Variants in GRIP1 observed in about 807,000 individuals in gnomAD.
GRIP1 encodes the protein glutamate receptor interacting protein 1.
In GRIP1, 45 loss-of-function variants were observed where a neutral mutation model predicts 129.9. The ratio of observed to expected loss-of-function variants is 0.35; its 90% CI spans 0.27 to 0.44. GRIP1 has a LOEUF of 0.44. Among genes scored for constraint, GRIP1 ranks in the 20% least tolerant of loss-of-function variants. The pLI is 1.00. For missense variants in GRIP1, 1,196 were observed against 1,396.8 expected (o/e 0.86, Z 2.29); for synonymous variants, 530 against 520.8 (o/e 1.02, Z -0.24).
At chr12:66,647,238 C>G (rs1431928703) in intron 1 of GRIP1, 1 of 152,234 alleles carries the variant, frequency 6.6e-6, no homozygotes, top group Admixed American at 6.5e-5. Context: ...TTCCAATATA[C>G]TTACTCATTG....
chr12:66,541,455 T>A (rs1453088469), intron 3 of GRIP1, among the ~76,000 whole-genome samples: 1 of 152,260 alleles, frequency 6.6e-6, no homozygotes, highest in South Asian at 2.1e-4. Flanking sequence ...ATATGGGTCA[T>A]CTGTTTCACA....
At chr12:66,377,314 G>C in intron 20 of GRIP1, 29 bp from the exon 21 acceptor site, 1 of 1,416,254 alleles carries the variant, frequency 7.1e-7, no homozygotes, top group Non-Finnish European at 1.0e-6. Context: ...GGCTGGGTTA[G>C]GAACTTGCCA....
rs933379726 is a variant in GRIP1, at chr12:66,740,165, T to G, written c.-420+63888A>C. 7.9e-5 allele frequency among the ~76,000 whole-genome samples: 12 copies of G among 152,320 alleles called. 1 individual carries two copies. In the East Asian group the frequency reaches 2.3e-3, roughly 29 times the overall value. On this transcript the variant is annotated intron_variant, in intron 1 of 4. Transcript: ENST00000538373. ...TGGCAATCAGATGTCCTTGTTGCTATGCCATGTCTGTTAGATCACTGATGA... is the reference window on the plus strand; with the variant it reads ...TGGCAATCAGATGTCCTTGTTGCTAGGCCATGTCTGTTAGATCACTGATGA...
intron 19 of GRIP1, among the ~76,000 whole-genome samples, chr12:66,380,979 G>C (rs1015105096): frequency 2.0e-5 from 3 of 152,130 alleles, no homozygotes; most frequent in African/African-American, 7.2e-5. Context: ...AGATGATTCT[G>C]TCTCCATGAT....
At chr12:67,024,366 G>C (rs1291367983) in intron 1 of GRIP1, among the ~76,000 whole-genome samples, 2 of 152,154 alleles carry the variant, frequency 1.3e-5, no homozygotes, top group Non-Finnish European at 2.9e-5. Flanking sequence ...TGCAGCCATA[G>C]ACACTGGGGG....
chr12:66,887,944 T>A (rs962693745), intron 1 of GRIP1, among the ~76,000 whole-genome samples: 2 of 152,216 alleles, frequency 1.3e-5, no homozygotes, highest in Non-Finnish European at 2.9e-5. Flanking sequence ...ATCAAAATCA[T>A]CTAGGCTTCA....
chr12:66,356,624 C>T (rs2054501069), intron 23 of GRIP1, among the ~76,000 whole-genome samples: 1 of 152,134 alleles, frequency 6.6e-6, no homozygotes, highest in Non-Finnish European at 1.5e-5. Flanking sequence ...CCAACAACCA[C>T]CAAGAGCTTG....
chr12:67,069,143 T>C, exon 1 of GRIP1: 6 of 983,482 alleles, frequency 6.1e-6, no homozygotes, highest in Non-Finnish European at 7.2e-6. Context: ...GGGCTCGCTC[T>C]TTCTCGCTGG....
chr12:66,548,728 T>C (rs543893049), intron 2 of GRIP1, among the ~76,000 whole-genome samples: 135 of 152,270 alleles, frequency 8.9e-4, no homozygotes, highest in Non-Finnish European at 1.6e-3. Flanking sequence ...GTTTGATTGG[T>C]GGATGTTGAC....
intron 1 of GRIP1, among the ~76,000 whole-genome samples, chr12:66,718,927 T>C (rs2035975725): frequency 6.6e-6 from 1 of 152,106 alleles, no homozygotes; most frequent in Non-Finnish European, 1.5e-5. Context: ...CATATAAATG[T>C]TTCCTACATA....
At chr12:66,577,706 T>C (rs995296139) in intron 2 of GRIP1, among the ~76,000 whole-genome samples, 3 of 152,252 alleles carry the variant, frequency 2.0e-5, no homozygotes, top group Middle Eastern at 3.4e-3. Flanking sequence ...TTCCAGTACT[T>C]TGGGAGGCTG....
At chr12:66,457,719 C>T (rs188950001) in intron 9 of GRIP1, among the ~76,000 whole-genome samples, 9 of 152,198 alleles carry the variant, frequency 5.9e-5, no homozygotes, top group Admixed American at 2.0e-4. Context: ...TTGGTCAATT[C>T]GCATCCTTTC....
intron 1 of GRIP1, among the ~76,000 whole-genome samples, chr12:66,687,060 CAACAA>C (rs999405818): frequency 6.6e-6 from 1 of 151,960 alleles, no homozygotes; most frequent in Non-Finnish European, 1.5e-5. Flanking sequence ...GACCCTATCT[CAACAA>C]AACAAAACAA....
intron 9 of GRIP1, among the ~76,000 whole-genome samples, chr12:66,459,624 T>C (rs1478411283): frequency 6.6e-6 from 1 of 152,240 alleles, no homozygotes; most frequent in Non-Finnish European, 1.5e-5. Flanking sequence ...TTAAAGGTCA[T>C]ACCATTTACC....
chr12:66,770,983 C>T (rs1365141317), intron 1 of GRIP1, among the ~76,000 whole-genome samples: 2 of 152,122 alleles, frequency 1.3e-5, no homozygotes, highest in Non-Finnish European at 2.9e-5. Flanking sequence ...ATCCCAGCTA[C>T]TCGGGAGGCT....
Position 66,646,817 on chromosome 12 carries a change from CAAG to C in GRIP1, c.55+32030_55+32032del, listed in dbSNP as rs1444967212. 2.6e-5 allele frequency among the ~76,000 whole-genome samples: 4 copies of C among 152,194 alleles called. No homozygotes were observed. The East Asian group carries it at 7.7e-4, about 29-fold the overall frequency. ...GTGATGGCAAATAGAGACCAGGTAG[CAAG>C]AAGAGGTGAGTGCTGAAAGGAGTAG... is the stretch of plus-strand genomic sequence containing the variant. On this transcript the variant is annotated intron_variant, in intron 1 of 24. Transcript: ENST00000359742.
intron 20 of GRIP1, 42 bp from the exon 21 acceptor site, chr12:66,377,327 C>CA: frequency 8.6e-7 from 1 of 1,160,826 alleles, no homozygotes; most frequent in Non-Finnish European, 1.3e-6. Context: ...ACTTGCCAGA[C>CA]ATTTTTTTTT....
chr12:66,738,847 T>C (rs773360284), intron 1 of GRIP1, among the ~76,000 whole-genome samples: 3 of 152,176 alleles, frequency 2.0e-5, no homozygotes, highest in Non-Finnish European at 4.4e-5. Flanking sequence ...AAGGTGTATA[T>C]CTGTTTCCAG....
intron 1 of GRIP1, among the ~76,000 whole-genome samples, chr12:66,690,615 C>T (rs887766278): frequency 1.3e-4 from 19 of 151,344 alleles, no homozygotes; most frequent in Non-Finnish European, 4.4e-5. Flanking sequence ...TCTATAACCC[C>T]AAGAATCTGG....
Sources: allele counts gnomAD v4.1 joint callset (sites outside exome capture counted in the v4.1 genomes callset), GRCh38; gene constraint gnomAD v4.1.1; transcripts MANE v1.5; gene names NCBI Gene and HGNC (gene_info 2026-07-23, HGNC 2026-07-21).